The following TMEM150B variants were observed in gnomAD, a reference collection of about 807,000 sequenced individuals.
TMEM150B encodes modulator of macroautophagy TMEM150B.
A neutral mutation model predicts 25.2 loss-of-function variants in TMEM150B; 33 were observed. The observed-to-expected ratio is 1.31, with a 90% confidence interval of 0.99 to 1.75. The LOEUF (loss-of-function observed/expected upper bound fraction) is 1.75, where lower values mean the gene tolerates loss of function less well. Among genes scored for constraint, TMEM150B ranks in the 40% most tolerant of loss-of-function variants. TMEM150B has a pLI of 0.00. For synonymous variants in TMEM150B, 133 were observed against 134.8 expected (o/e 0.99, Z 0.09); for missense variants, 322 against 306.1 (o/e 1.05, Z -0.39).
chr19:55,324,408 G>A (rs1273131381), intron 1 of TMEM150B, among the ~76,000 whole-genome samples: 1 of 151,954 alleles, frequency 6.6e-6, no homozygotes, highest in Non-Finnish European at 1.5e-5. Context: ...CCAGCACTTT[G>A]GGAGGCCGAG....
At chr19:55,311,767 C>T (rs898171685), downstream of TMEM150B, 23 of 829,994 alleles carry the variant, frequency 2.8e-5, no homozygotes, top group Non-Finnish European at 3.1e-5. Context: ...AGGTGCTGGA[C>T]GGACTGGGCC....
Position 55,313,669 on chromosome 19 carries a change from A to G in TMEM150B, c.506-614T>C, listed in dbSNP as rs1030810561. On this transcript the variant is annotated intron_variant, in intron 7 of 7. Transcript: ENST00000326652. ...AGCTGGTCACCCCAAGTCTTGTCCT[A>G]TCTGCCTTACCCATCTCTCTCCAGC... is the stretch of plus-strand genomic sequence containing the variant. Among the ~76,000 whole-genome samples, 18 of 152,036 alleles carry G rather than the reference A, an allele frequency of 1.2e-4. 1 individual carries two copies. In the East Asian group the frequency reaches 1.9e-3, roughly 16 times the overall value.
intron 1 of TMEM150B, among the ~76,000 whole-genome samples, chr19:55,323,322 C>T (rs183381614): frequency 1.2e-3 from 182 of 152,002 alleles, no homozygotes; most frequent in African/African-American, 3.9e-3. Flanking sequence ...ATCCCAGCTA[C>T]TCCGGAGGCT....
chr19:55,312,193 C>G (rs2088817373), downstream of TMEM150B: 1 of 514,984 alleles, frequency 1.9e-6, no homozygotes, highest in South Asian at 3.1e-5. Context: ...CCGGCCTTGC[C>G]CTGCAGGGAT....
rs746385894 is a variant in TMEM150B at position 55,312,897 on chromosome 19, G to A, written c.664C>T (p.Pro222Ser). Residue 222 changes from proline to serine, a missense_variant, in exon 8 of 8, where the codon CCG becomes TCG. Pro to Ser is a moderately conservative substitution (Grantham distance 74, BLOSUM62 -1). Coordinates refer to ENST00000326652, the MANE Select transcript of TMEM150B (RefSeq NM_001282011.2). Reference protein sequence around the residue: ...CVQPWPSLSPPPASPISLPVQ... With the variant: ...CVQPWPSLSPSPASPISLPVQ... ...GGCAGGGAGATGGGGGAGGCCGGCGGGGGGCTGAGGCTGGGCCACGGCTGA... is the reference window on the plus strand; with the variant it reads ...GGCAGGGAGATGGGGGAGGCCGGCGAGGGGCTGAGGCTGGGCCACGGCTGA... The A allele has an allele frequency of 1.9e-6, 3 of 1,603,542 alleles. No individual in the cohort carries two copies. The highest frequency in any genetic ancestry group is 2.2e-5 in the South Asian group (2 of 89,864).
chr19:55,321,637 G>A (rs1249782197), intron 2 of TMEM150B, among the ~76,000 whole-genome samples: 1 of 152,048 alleles, frequency 6.6e-6, no homozygotes, highest in African/African-American at 2.4e-5. Context: ...CCAGCTTTGT[G>A]GGTTCAACGT....
chr19:55,322,854 A>G (rs2089242564), intron 1 of TMEM150B, 111 bp from the exon 2 acceptor site: 3 of 357,042 alleles, frequency 8.4e-6, no homozygotes, highest in Middle Eastern at 1.5e-3. Context: ...TTAGAACCTC[A>G]CAGGCAGCAC....
downstream of TMEM150B, among the ~76,000 whole-genome samples, chr19:55,310,134 G>A (rs934265866): frequency 5.3e-5 from 8 of 152,204 alleles, no homozygotes; most frequent in South Asian, 2.1e-4. The surrounding 1 kb of genome is among the most constrained non-coding windows in gnomAD (Gnocchi z 5.0). Flanking sequence ...TATGGCCGCC[G>A]TCAACAAATG....
chr19:55,321,145 AC>A, intron 2 of TMEM150B, 52 bp from the exon 3 acceptor site: 1 of 1,477,826 alleles, frequency 6.8e-7, no homozygotes, highest in South Asian at 1.4e-5. Flanking sequence ...TGTGGCCCCA[AC>A]CACTAGGCCC....
chr19:55,316,226 G>A (rs567896339), intron 7 of TMEM150B, among the ~76,000 whole-genome samples: 4 of 152,024 alleles, frequency 2.6e-5, no homozygotes, highest in Admixed American at 1.3e-4. Flanking sequence ...CATGGAGTTC[G>A]GACGAGCAGT....
chr19:55,310,531 G>A (rs911489135), downstream of TMEM150B, among the ~76,000 whole-genome samples: 3 of 152,136 alleles, frequency 2.0e-5, no homozygotes, highest in Admixed American at 6.5e-5. This position sits in a 1 kb window ranked among gnomAD's most constrained non-coding sequence, Gnocchi z 5.0. Flanking sequence ...GGAGGGGGCC[G>A]TTATTCAGCC....
At chr19:55,314,454 T>A (rs1002535689) in intron 7 of TMEM150B, among the ~76,000 whole-genome samples, 1 of 152,160 alleles carries the variant, frequency 6.6e-6, no homozygotes, top group Non-Finnish European at 1.5e-5. Flanking sequence ...GCTCGGTGCG[T>A]GTACCTGCAG....
At chr19:55,324,849 C>T in intron 1 of TMEM150B, 1 of 985,244 alleles carries the variant, frequency 1.0e-6, no homozygotes, top group Non-Finnish European at 1.2e-6. Context: ...ACCCCCTGCC[C>T]TCAGGGGAAT....
In TMEM150B at chr19:55,321,056, G is replaced by A. The variant is rs1387843856; in HGVS notation, c.-20C>T. ...CCACATGCCGGGCTCTGCAGGTGAA[G>A]GATCGGGGCTGAGGCTGGACACCTG... On this transcript the variant is annotated 5_prime_UTR_variant, in exon 3 of 8. Coordinates refer to ENST00000326652, the MANE Select transcript of TMEM150B (RefSeq NM_001282011.2). The A allele has an allele frequency of 2.5e-6, 4 of 1,610,630 alleles. No homozygotes were observed. Among genetic ancestry groups the A allele is most frequent in the Non-Finnish European group, 3.4e-6 (4 of 1,178,242 alleles).
At chr19:55,324,783 C>T (rs2089292608) in intron 1 of TMEM150B, 12 of 985,472 alleles carry the variant, frequency 1.2e-5, no homozygotes, top group Non-Finnish European at 1.4e-5. Context: ...GTCTCGTCTT[C>T]CTCCTTTCGC....
At chr19:55,316,663 T>C (rs2089010763) in intron 7 of TMEM150B, 123 bp downstream of exon 7, 3 of 1,069,952 alleles carry the variant, frequency 2.8e-6, no homozygotes, top group Non-Finnish European at 3.8e-6. Context: ...AAAGCCATAA[T>C]CCTGTGCAAA....
In TMEM150B at chr19:55,314,489, G is replaced by A. The variant is rs537439249; in HGVS notation, c.506-1434C>T. ...GTGTGCCCTCAACCTCCCAGCCCAC[G>A]AGCAGCTCCTTCTGCAAGGCCAGGC... On this transcript the variant is annotated intron_variant, in intron 7 of 7. Transcript: ENST00000326652. Among the ~76,000 whole-genome samples, 186 of 152,198 alleles carry A rather than the reference G, an allele frequency of 1.2e-3. 2 individuals are homozygous for A. Among genetic ancestry groups the A allele is most frequent in the Admixed American group, 3.1e-3 (47 of 15,290 alleles).
chr19:55,322,671 C>G lies in TMEM150B; in HGVS notation c.-81G>C. ...ACCTCTCCAAGCTTCCTGGGGCTCT[C>G]AGTCCTGGAGCTGGGGCTGGGTGAG... On this transcript the variant is annotated 5_prime_UTR_variant, in exon 2 of 8. Transcript: ENST00000326652. The G allele has an allele frequency of 1.0e-6, 1 of 985,322 alleles. No homozygotes were observed. Among genetic ancestry groups the G allele is most frequent in the Non-Finnish European group, 1.2e-6 (1 of 829,930 alleles). 61.0% of individuals were successfully genotyped at this position (985,322 alleles called of 1,614,324 possible). A position where few individuals can be genotyped will look rare whatever the true frequency, so the allele number is the denominator to read the frequency against.
At chr19:55,312,023 C>A (rs532657426), downstream of TMEM150B, 4 of 1,509,498 alleles carry the variant, frequency 2.6e-6, no homozygotes, top group Non-Finnish European at 3.5e-6. Flanking sequence ...GAGGCCCCCC[C>A]AAGGACAAGA....
Sources: allele counts gnomAD v4.1 joint callset (sites outside exome capture counted in the v4.1 genomes callset), GRCh38; gene constraint gnomAD v4.1.1; non-coding constraint Gnocchi (gnomAD v3.1); transcripts MANE v1.5; gene names NCBI Gene and HGNC (gene_info 2026-07-23, HGNC 2026-07-21).